KRT8: variants seen among roughly 807,000 people sequenced by gnomAD.
The protein encoded by KRT8 is keratin, type II cytoskeletal 8.
KRT8 carries 24 observed loss-of-function variants against 43.0 expected under a neutral mutation model. That is an observed-to-expected ratio of 0.56 (90% confidence interval 0.40 to 0.78). The LOEUF is 0.78. KRT8 is among the 30% of genes least tolerant of loss of function. The pLI is 0.00. For missense variants in KRT8, 492 were observed against 638.4 expected (o/e 0.77, Z 2.47); for synonymous variants, 214 against 261.2 (o/e 0.82, Z 1.74).
chr12:52,929,720 T>C (rs749418428), intron 2 of KRT8, among the ~76,000 whole-genome samples: 2 of 152,102 alleles, frequency 1.3e-5, no homozygotes, highest in Non-Finnish European at 2.9e-5. Flanking sequence ...GCACATGCAT[T>C]TGTGAAAGCC....
intron 3 of KRT8, 122 bp from the exon 4 acceptor site, chr12:52,900,805 A>G (rs1044972624): frequency 4.1e-6 from 3 of 723,070 alleles, no homozygotes; most frequent in Non-Finnish European, 7.5e-6. Flanking sequence ...TTGTGGATTG[A>G]TCTTCCAGCC....
At chr12:52,947,762 A>C (rs573274736) in intron 2 of KRT8, 11 of 130,240 alleles carry the variant, frequency 8.4e-5, no homozygotes, top group African/African-American at 3.4e-4. Flanking sequence ...GCTGGAGTGC[A>C]GTGGCATCGA....
At chr12:52,900,535 G>T in intron 4 of KRT8, 53 bp downstream of exon 4, 1 of 1,147,478 alleles carries the variant, frequency 8.7e-7, no homozygotes, top group Non-Finnish European at 1.3e-6. Flanking sequence ...GTCTCAGGGT[G>T]GAGGCGCTGA....
rs957222451 is a variant in KRT8, at chr12:52,949,847, G to A, written c.-309C>T. 32 of 701,212 alleles carry A rather than the reference G, an allele frequency of 4.6e-5. No individual in the cohort carries two copies. The Admixed American group carries it at 6.4e-4, about 14-fold the overall frequency. The allele number at this position is 701,212 out of a possible 1,614,324, so 43.4% of individuals were successfully genotyped here. On this transcript the variant is annotated 5_prime_UTR_variant, in exon 1 of 7. Transcript: ENST00000546826. ...TACAGAGGAAGTGGACAGCATGGAG[G>A]GAGGTAAGGAAAGGCCTGTAAAGAG... is the stretch of plus-strand genomic sequence containing the variant.
At chr12:52,917,715 A>AAG (rs780941565) in intron 2 of KRT8, among the ~76,000 whole-genome samples, 153 of 112,116 alleles carry the variant, frequency 1.4e-3, no homozygotes, top group East Asian at 6.1e-3. Flanking sequence ...TCTCAAAAAA[A>AAG]AAAAAAAAAA....
intron 2 of KRT8, among the ~76,000 whole-genome samples, chr12:52,918,904 T>C (rs1300387005): frequency 6.6e-6 from 1 of 152,138 alleles, no homozygotes; most frequent in African/African-American, 2.4e-5. Context: ...TGTGTTTCCC[T>C]GCATGAAATA....
At chr12:52,933,180 A>C (rs999974444) in intron 2 of KRT8, among the ~76,000 whole-genome samples, 13 of 152,170 alleles carry the variant, frequency 8.5e-5, no homozygotes, top group Admixed American at 2.6e-4. Flanking sequence ...TCCTGACCTC[A>C]GGCAATCTGC....
intron 2 of KRT8, among the ~76,000 whole-genome samples, chr12:52,939,913 A>G (rs1942238588): frequency 1.3e-5 from 2 of 152,084 alleles, no homozygotes; most frequent in South Asian, 2.1e-4. Context: ...AGCCTGGGCA[A>G]CATATTGAGA....
At chr12:52,938,979 G>A (rs1407215337) in intron 2 of KRT8, among the ~76,000 whole-genome samples, 1 of 152,056 alleles carries the variant, frequency 6.6e-6, no homozygotes, top group East Asian at 1.9e-4. Flanking sequence ...TAGCTCCTGA[G>A]GAGGATGAGG....
At chr12:52,936,159 G>A (rs1942166833) in intron 2 of KRT8, among the ~76,000 whole-genome samples, 2 of 152,282 alleles carry the variant, frequency 1.3e-5, no homozygotes, top group South Asian at 4.1e-4. Context: ...GGCCGAGGCA[G>A]GAGAATGGCT....
intron 1 of KRT8, 157 bp from the exon 2 acceptor site, chr12:52,902,229 C>T (rs1941390443): frequency 1.6e-6 from 1 of 632,872 alleles, no homozygotes; most frequent in Non-Finnish European, 2.8e-6. Flanking sequence ...CACCTATGAC[C>T]AGGGGGAGAA....
chr12:52,938,419 G>A (rs972671696), intron 2 of KRT8, among the ~76,000 whole-genome samples: 2 of 151,038 alleles, frequency 1.3e-5, no homozygotes, highest in Non-Finnish European at 2.9e-5. Context: ...CGTTTGCCTC[G>A]GCCTCCCAAA....
chr12:52,937,137 G>T (rs537146214), intron 2 of KRT8, among the ~76,000 whole-genome samples: 1 of 152,014 alleles, frequency 6.6e-6, no homozygotes, highest in African/African-American at 2.4e-5. Flanking sequence ...TTGGGAGGCT[G>T]AGGCGGGTGG....
At chr12:52,907,694 TTG>T (rs1941550400), upstream of KRT8, among the ~76,000 whole-genome samples, 1 of 152,144 alleles carries the variant, frequency 6.6e-6, no homozygotes, top group Non-Finnish European at 1.5e-5. Context: ...CCAGAAGTGT[TTG>T]TGTCTCATTT....
At chr12:52,897,448 A>C (rs769477619) in exon 8 of KRT8, 1 of 1,599,526 alleles carries the variant, frequency 6.3e-7, no homozygotes, top group South Asian at 1.1e-5. Context: ...AGGACGTCAG[A>C]GGACTCAGAC....
chr12:52,919,710 G>A (rs1045500471), intron 2 of KRT8, among the ~76,000 whole-genome samples: 50 of 151,366 alleles, frequency 3.3e-4, no homozygotes, highest in Admixed American at 2.7e-3. Context: ...GCAGTGGCAC[G>A]ATCTTGACTC....
intron 2 of KRT8, among the ~76,000 whole-genome samples, chr12:52,928,866 A>G (rs1353816775): frequency 6.6e-6 from 1 of 152,170 alleles, no homozygotes; most frequent in African/African-American, 2.4e-5. Flanking sequence ...AGATCGTGCC[A>G]TTGCACTCCA....
chr12:52,904,952 G>A, exon 1 of KRT8: 2 of 1,611,536 alleles, frequency 1.2e-6, no homozygotes, highest in Non-Finnish European at 8.5e-7. Context: ...TGGACACCTT[G>A]TAGGACTTCT....
exon 2 of KRT8, chr12:52,901,908 C>T (rs779700611): frequency 4.5e-5 from 72 of 1,611,746 alleles, no homozygotes; most frequent in East Asian, 4.0e-4. Flanking sequence ...TGCCAAGCTC[C>T]GCCTCCAGCT....
Sources: allele counts gnomAD v4.1 joint callset (sites outside exome capture counted in the v4.1 genomes callset), GRCh38; gene constraint gnomAD v4.1.1; transcripts MANE v1.5; gene names NCBI Gene and HGNC (gene_info 2026-07-23, HGNC 2026-07-21).